The following MTMR7 variants were observed in gnomAD, a reference collection of about 807,000 sequenced individuals.
MTMR7 encodes myotubularin related protein 7, also known as phosphatidylinositol-3-phosphate phosphatase MTMR7.
MTMR7 carries 76 observed loss-of-function variants against 81.2 expected under a neutral mutation model. The observed-to-expected ratio is 0.94, with a 90% CI of 0.78 to 1.13. MTMR7 has a LOEUF of 1.13. MTMR7 is among the 50% of genes most tolerant of loss of function. The pLI is 0.00. For missense variants in MTMR7, 1,044 were observed against 820.0 expected, an observed-to-expected ratio of 1.27 and a Z score of -3.34; for synonymous variants, 372 against 289.8, an observed-to-expected ratio of 1.28 and a Z score of -2.88.
At chr8:17,317,785 G>T (rs758583244) in intron 7 of MTMR7, among the ~76,000 whole-genome samples, 1 of 152,088 alleles carries the variant, frequency 6.6e-6, no homozygotes, top group East Asian at 1.9e-4. Flanking sequence ...TCATACTTCC[G>T]CCATAAATTG....
chr8:17,349,311 G>A (rs1383645119), intron 4 of MTMR7: 8 of 416,780 alleles, frequency 1.9e-5, no homozygotes, highest in South Asian at 4.2e-5. Context: ...TTCTGTCCCC[G>A]TGCACTGTCC....
intron 2 of MTMR7, among the ~76,000 whole-genome samples, chr8:17,372,535 C>T (rs1820449949): frequency 6.6e-6 from 1 of 152,062 alleles, no homozygotes; most frequent in Non-Finnish European, 1.5e-5. Flanking sequence ...CTGCAGTGAG[C>T]TGAGATCGCA....
rs180945989 is a variant in MTMR7, at chr8:17,376,095, C to T, written c.25-2855G>A. Among the ~76,000 whole-genome samples, 557 of 152,290 alleles carry T rather than the reference C, an allele frequency of 3.7e-3. 3 individuals are homozygous for T. The highest frequency in any genetic ancestry group is 0.013 in the African/African-American group (534 of 41,562). On this transcript the variant is annotated intron_variant, in intron 1 of 13. Transcript: ENST00000180173. ...ATCCCAGTTATTCCCCCAACCACTC[C>T]GGCCCTAAAAAAATCAATTTACCCT...
Position 17,299,680 on chromosome 8 carries a change from A to G in MTMR7, c.*182T>C, listed in dbSNP as rs1816970591. On this transcript the variant is annotated 3_prime_UTR_variant, in exon 14 of 14. Transcript: ENST00000180173. ...TTCCTTATATTTGATAAATGAAATGACTACGTCCTCTTCAGTATCTAAGAA... is the reference window on the plus strand; with the variant it reads ...TTCCTTATATTTGATAAATGAAATGGCTACGTCCTCTTCAGTATCTAAGAA... 3 of 736,392 alleles carry G rather than the reference A, an allele frequency of 4.1e-6. No homozygotes were observed. The highest frequency in any genetic ancestry group is 6.5e-6 in the Non-Finnish European group (3 of 460,620). The allele number at this position is 736,392 out of a possible 1,614,324, so 45.6% of individuals were successfully genotyped here. A position where few individuals can be genotyped will look rare whatever the true frequency, so the allele number is the denominator to read the frequency against.
chr8:17,403,591 T>A (rs1367393620), intron 1 of MTMR7, among the ~76,000 whole-genome samples: 1 of 152,162 alleles, frequency 6.6e-6, no homozygotes, highest in Non-Finnish European at 1.5e-5. Flanking sequence ...CTTTTATGAT[T>A]TTTTCTATTT....
At chr8:17,334,369 GGTCCTCT>G (rs1665876538) in intron 6 of MTMR7, among the ~76,000 whole-genome samples, 1 of 152,094 alleles carries the variant, frequency 6.6e-6, no homozygotes, top group Non-Finnish European at 1.5e-5. Flanking sequence ...CATCAAATAC[GGTCCTCT>G]GTCCCTTTGA....
At chr8:17,410,967 T>A (rs1363568714) in intron 1 of MTMR7, among the ~76,000 whole-genome samples, 1 of 152,108 alleles carries the variant, frequency 6.6e-6, no homozygotes. Flanking sequence ...CATGAAACCA[T>A]GAAATCGAAG....
At chr8:17,337,759 G>A (rs993436520) in intron 6 of MTMR7, among the ~76,000 whole-genome samples, 2 of 152,132 alleles carry the variant, frequency 1.3e-5, no homozygotes, top group Non-Finnish European at 2.9e-5. Context: ...GGGACTACAG[G>A]CCCATGCCAC....
chr8:17,327,734 ATTCTT>A (rs74273449), intron 7 of MTMR7, among the ~76,000 whole-genome samples: 8,500 of 152,244 alleles, frequency 0.056, 317 homozygotes, highest in Non-Finnish European at 0.085. Context: ...GTTTTACCAC[ATTCTT>A]TTGAGTATTG....
chr8:17,359,747 A>C (rs1236547549), intron 4 of MTMR7, among the ~76,000 whole-genome samples: 1 of 152,226 alleles, frequency 6.6e-6, no homozygotes, highest in Non-Finnish European at 1.5e-5. Context: ...TATGAAGATT[A>C]AATTAAAATA....
intron 3 of MTMR7, among the ~76,000 whole-genome samples, chr8:17,361,708 T>C (rs1161716027): frequency 6.6e-6 from 1 of 152,164 alleles, no homozygotes; most frequent in Non-Finnish European, 1.5e-5. Flanking sequence ...CCAGGCCAAT[T>C]GCACATTTTG....
chr8:17,328,704 G>T (rs1197763191), intron 7 of MTMR7, among the ~76,000 whole-genome samples: 3 of 151,948 alleles, frequency 2.0e-5, no homozygotes, highest in Non-Finnish European at 4.4e-5. Flanking sequence ...ACATACCCCA[G>T]AACTTAAAAA....
intron 3 of MTMR7, among the ~76,000 whole-genome samples, chr8:17,366,557 C>T (rs771553286): frequency 3.3e-5 from 5 of 151,978 alleles, no homozygotes; most frequent in Non-Finnish European, 5.9e-5. Context: ...AGCTAAATTG[C>T]ATCAAACATT....
At chr8:17,397,919 C>G (rs774884712) in intron 1 of MTMR7, among the ~76,000 whole-genome samples, 1 of 152,180 alleles carries the variant, frequency 6.6e-6, no homozygotes, top group African/African-American at 2.4e-5. Context: ...GAGAAAAAGA[C>G]TATCTCTCTG....
intron 8 of MTMR7, 147 bp downstream of exon 8, chr8:17,313,145 C>A: frequency 2.0e-6 from 1 of 500,918 alleles, no homozygotes; most frequent in South Asian, 4.5e-5. Flanking sequence ...ATATCTTCAG[C>A]GCACAGACTA....
chr8:17,304,768 T>TGTGTGTGTGTGTGTG (rs1563315402), intron 11 of MTMR7, among the ~76,000 whole-genome samples: 12 of 147,616 alleles, frequency 8.1e-5, no homozygotes, highest in East Asian at 4.0e-4. Context: ...TGTGTGTGTG[T>TGTGTGTGTGTGTGTG]TAAGCTGTTC....
At chr8:17,316,602 G>A (rs960001185) in intron 7 of MTMR7, among the ~76,000 whole-genome samples, 4 of 151,800 alleles carry the variant, frequency 2.6e-5, no homozygotes, top group African/African-American at 7.3e-5. Flanking sequence ...CTGTATTCTC[G>A]GGTTCCACAT....
At chr8:17,403,645 G>C (rs957006289) in intron 1 of MTMR7, among the ~76,000 whole-genome samples, 2 of 152,106 alleles carry the variant, frequency 1.3e-5, no homozygotes, top group Admixed American at 6.5e-5. Context: ...TTGTAAATTT[G>C]TAGATTGCTT....
intron 5 of MTMR7, among the ~76,000 whole-genome samples, chr8:17,347,484 C>T (rs1423889735): frequency 1.3e-5 from 2 of 152,126 alleles, no homozygotes; most frequent in African/African-American, 4.8e-5. Context: ...CTGACTGAGA[C>T]CCTGCTCTAC....
Sources: allele counts gnomAD v4.1 joint callset (sites outside exome capture counted in the v4.1 genomes callset), GRCh38; gene constraint gnomAD v4.1.1; transcripts MANE v1.5; gene names NCBI Gene and HGNC (gene_info 2026-07-23, HGNC 2026-07-21).